Variants in OPCML observed in about 807,000 individuals in gnomAD.
OPCML encodes opioid binding protein/cell adhesion molecule like.
Under a neutral mutation model 37.8 loss-of-function variants are expected in OPCML, and 13 were observed. The ratio of observed to expected loss-of-function variants is 0.34; its 90% confidence interval spans 0.22 to 0.55. OPCML has a LOEUF of 0.55. Among genes scored for constraint, OPCML ranks in the 20% least tolerant of loss-of-function variants. OPCML has a pLI of 0.91. For synonymous variants in OPCML, 176 were observed against 168.8 expected (o/e 1.04, Z -0.33); for missense variants, 341 against 435.6 (o/e 0.78, Z 1.93).
In OPCML at chr11:133,115,411, TC is replaced by T. The variant is rs577216190; in HGVS notation, c.62-172402del. On this transcript the variant is annotated intron_variant, in intron 1 of 7. Coordinates refer to ENST00000524381, the MANE Select transcript of OPCML (RefSeq NM_001012393.5). ...GATGAGAGTTTCCGAGGAACCGATC[TC>T]CCCGGAGTAGATTCAGTGCCTAGAA... 7.9e-5 allele frequency among the ~76,000 whole-genome samples: 12 copies of T among 152,184 alleles called. No homozygotes were observed. In the South Asian group the frequency reaches 2.5e-3, roughly 32 times the overall value.
chr11:132,551,313 TC>T (rs2096381190), intron 3 of OPCML, among the ~76,000 whole-genome samples: 1 of 152,176 alleles, frequency 6.6e-6, no homozygotes, highest in Non-Finnish European at 1.5e-5. Flanking sequence ...AGCAACTCCA[TC>T]TGGCTTCTAA....
chr11:132,610,485 T>G (rs1277522370), intron 3 of OPCML, among the ~76,000 whole-genome samples: 1 of 152,132 alleles, frequency 6.6e-6, no homozygotes, highest in Non-Finnish European at 1.5e-5. Flanking sequence ...CATGGCAAAG[T>G]GCAGTTATTT....
chr11:133,216,826 G>T (rs1337844345), intron 1 of OPCML, among the ~76,000 whole-genome samples: 1 of 151,906 alleles, frequency 6.6e-6, no homozygotes, highest in East Asian at 1.9e-4. Context: ...TTTTATTGGG[G>T]CATATGTATT....
At chr11:132,880,334 T>C (rs1943179386) in intron 2 of OPCML, among the ~76,000 whole-genome samples, 1 of 152,242 alleles carries the variant, frequency 6.6e-6, no homozygotes, top group Admixed American at 6.5e-5. Context: ...TGCTCCACTC[T>C]GTCTGTGCCT....
intron 1 of OPCML, among the ~76,000 whole-genome samples, chr11:133,028,200 G>C (rs895290337): frequency 2.6e-5 from 4 of 151,544 alleles, no homozygotes; most frequent in African/African-American, 9.7e-5. Context: ...AATATTTCTG[G>C]AGTCTAATTT....
intron 1 of OPCML, among the ~76,000 whole-genome samples, chr11:132,968,066 T>A (rs1415158189): frequency 3.9e-5 from 6 of 152,232 alleles, no homozygotes. Flanking sequence ...TTCCGTGGAT[T>A]TGACAAATAT....
intron 1 of OPCML, among the ~76,000 whole-genome samples, chr11:133,281,266 G>A (rs967325468): frequency 3.3e-5 from 5 of 152,094 alleles, no homozygotes; most frequent in South Asian, 2.1e-4. Context: ...CTGGTGGGAG[G>A]GGTTTTGATC....
intron 1 of OPCML, among the ~76,000 whole-genome samples, chr11:133,371,740 C>G (rs1944679917): frequency 6.6e-6 from 1 of 152,204 alleles, no homozygotes; most frequent in African/African-American, 2.4e-5. Context: ...TACCCAGTAT[C>G]AGGTATTCTT....
At chr11:132,441,792 G>T (rs77725714) in intron 4 of OPCML, among the ~76,000 whole-genome samples, 337 of 152,330 alleles carry the variant, frequency 2.2e-3, no homozygotes, top group African/African-American at 7.6e-3. Flanking sequence ...CCATTCATCC[G>T]GGGATGTGGG....
At chr11:132,540,537 C>T (rs188020018) in intron 3 of OPCML, among the ~76,000 whole-genome samples, 21 of 152,310 alleles carry the variant, frequency 1.4e-4, no homozygotes, top group African/African-American at 4.6e-4. Context: ...CTTATATACT[C>T]TGAGTGTGAA....
intron 1 of OPCML, among the ~76,000 whole-genome samples, chr11:133,049,712 A>G (rs1186876770): frequency 6.6e-6 from 1 of 152,228 alleles, no homozygotes; most frequent in Admixed American, 6.5e-5. Flanking sequence ...GTCACCGTGC[A>G]GGACAGAGTC....
At chr11:133,198,822 G>A (rs1202617866) in intron 1 of OPCML, among the ~76,000 whole-genome samples, 2 of 152,186 alleles carry the variant, frequency 1.3e-5, no homozygotes, top group African/African-American at 4.8e-5. Flanking sequence ...ATGCTGTGGA[G>A]GCGTAGAAGA....
chr11:132,732,599 A>G (rs1945115406), intron 2 of OPCML, among the ~76,000 whole-genome samples: 2 of 152,188 alleles, frequency 1.3e-5, no homozygotes, highest in African/African-American at 4.8e-5. Context: ...ATGAAAGAGA[A>G]CAGTGAGGAA....
chr11:133,230,419 T>G (rs2136385426), intron 1 of OPCML, among the ~76,000 whole-genome samples: 1 of 152,306 alleles, frequency 6.6e-6, no homozygotes, highest in Admixed American at 6.5e-5. Context: ...GTCACTCGTT[T>G]CTATTTCTGC....
chr11:133,459,258 T>C (rs1946802731), intron 1 of OPCML, among the ~76,000 whole-genome samples: 1 of 151,984 alleles, frequency 6.6e-6, no homozygotes, highest in African/African-American at 2.4e-5. Flanking sequence ...AAATTCAAAA[T>C]ATGTTACTAT....
At chr11:133,136,841 G>GTT (rs1310215351) in intron 1 of OPCML, among the ~76,000 whole-genome samples, 1 of 134,184 alleles carries the variant, frequency 7.5e-6, no homozygotes, top group African/African-American at 3.2e-5. Flanking sequence ...GTGTGTGTGT[G>GTT]TGTGTGTGTG....
intron 1 of OPCML, among the ~76,000 whole-genome samples, chr11:133,002,884 A>G (rs1591900100): frequency 6.6e-6 from 1 of 152,082 alleles, no homozygotes; most frequent in East Asian, 1.9e-4. Flanking sequence ...CAGTTTGGAG[A>G]CTTCTTAGCA....
intron 1 of OPCML, among the ~76,000 whole-genome samples, chr11:133,518,733 C>G (rs905161806): frequency 7.9e-4 from 89 of 113,036 alleles, no homozygotes; most frequent in African/African-American, 5.9e-3. Context: ...GGGGCTGTGG[C>G]GTGGACAGTG....
chr11:132,687,369 CATATATATATATATAT>C (rs56834972), intron 2 of OPCML, among the ~76,000 whole-genome samples: 1,326 of 49,210 alleles, frequency 0.027, 22 homozygotes, highest in Non-Finnish European at 0.041. Context: ...CCTTAAGCTA[CATATATATATATATAT>C]ATATATATAT....
Sources: gnomAD v4.1 joint callset for allele counts (sites outside exome capture counted in the v4.1 genomes callset) on GRCh38, gnomAD v4.1.1 for gene constraint, MANE v1.5 for transcripts, NCBI Gene and HGNC (gene_info 2026-07-23, HGNC 2026-07-21) for gene names.